Variants in CSNK1A1 observed in about 807,000 individuals in gnomAD.
The protein encoded by CSNK1A1 is casein kinase I isoform alpha.
CSNK1A1 carries 7 observed loss-of-function variants against 46.1 expected under a neutral mutation model. That is an observed-to-expected ratio of 0.15 (90% CI 0.09 to 0.29). The LOEUF is 0.29. Among genes scored for constraint, CSNK1A1 ranks in the 10% least tolerant of loss-of-function variants. The pLI, the probability that CSNK1A1 is intolerant of heterozygous loss-of-function variation, is 1.00. For synonymous variants in CSNK1A1, 137 were observed against 141.5 expected (o/e 0.97, Z 0.23); for missense variants, 96 against 417.1 (o/e 0.23, Z 6.71).
Position 149,550,018 on chromosome 5 carries a change from C to CCA in CSNK1A1, c.230+55_230+56dup. 1 of 1,580,196 alleles carries CCA rather than the reference C, an allele frequency of 6.3e-7. No homozygotes were observed. On this transcript the variant is annotated intron_variant, in intron 2 of 9. Transcript: ENST00000377843. This position sits in a 1 kb window ranked among gnomAD's most constrained non-coding sequence, Gnocchi z 4.3. ...AGCTGGTCTCATTACCTGCCTCTAC[C>CCA]CACTTCCCCATTCCGTGCTTCCCTC...
rs559782877 is a variant in CSNK1A1 at position 149,543,588 on chromosome 5, T to C, written c.230+6487A>G. Among the ~76,000 whole-genome samples, 3 of 152,322 alleles carry C rather than the reference T, an allele frequency of 2.0e-5. No individual in the cohort carries two copies. In the East Asian group the frequency reaches 5.8e-4, roughly 29 times the overall value. ...CTTTATTCTCTGATAACAGCCATTA[T>C]GTTATTCACAGGATATATGCTCAGT... On this transcript the variant is annotated intron_variant, in intron 2 of 9. Transcript: ENST00000377843.
chr5:149,498,522 GT>G, intron 9 of CSNK1A1: 2 of 985,120 alleles, frequency 2.0e-6, no homozygotes, highest in Non-Finnish European at 2.4e-6. Context: ...TTGTTTGGGA[GT>G]TTAAAAAAGA....
At chr5:149,545,369 GCAGA>G (rs1432968774) in intron 2 of CSNK1A1, 1 of 434,226 alleles carries the variant, frequency 2.3e-6, no homozygotes, top group South Asian at 4.1e-5. Context: ...CCTCACGTTG[GCAGA>G]CAGAGATACC....
At chr5:149,510,699 G>T (rs1220683036) in intron 6 of CSNK1A1, among the ~76,000 whole-genome samples, 1 of 151,680 alleles carries the variant, frequency 6.6e-6, no homozygotes, top group East Asian at 1.9e-4. Context: ...GGCTGGTCTT[G>T]AACTCCTGGG....
chr5:149,500,679 T>C (rs534553705), intron 9 of CSNK1A1, among the ~76,000 whole-genome samples: 1 of 151,980 alleles, frequency 6.6e-6, no homozygotes, highest in Non-Finnish European at 1.5e-5. Context: ...TCTTCCCATC[T>C]AGCCTCAAAA....
chr5:149,549,599 A>G, intron 2 of CSNK1A1: 1 of 675,962 alleles, frequency 1.5e-6, no homozygotes, highest in South Asian at 1.5e-5. Context: ...TCGTTCCGCC[A>G]TTTTCTAAGC....
intron 6 of CSNK1A1, among the ~76,000 whole-genome samples, chr5:149,511,288 C>T (rs1004937286): frequency 2.6e-5 from 4 of 152,094 alleles, no homozygotes; most frequent in Non-Finnish European, 5.9e-5. Flanking sequence ...CCAGGCATTC[C>T]GGCTTGGGCA....
intron 2 of CSNK1A1, among the ~76,000 whole-genome samples, chr5:149,537,678 T>C (rs1328093268): frequency 1.3e-5 from 2 of 151,392 alleles, no homozygotes; most frequent in Non-Finnish European, 2.9e-5. Context: ...CAGTGTAACC[T>C]GAATTTTTTA....
Position 149,525,401 on chromosome 5 carries a change from C to T in CSNK1A1, c.231-230G>A, listed in dbSNP as rs1256791593. 6.6e-6 allele frequency among the ~76,000 whole-genome samples: 1 copy of T among 151,870 alleles called. No individual in the cohort carries two copies. The highest frequency in any genetic ancestry group is 2.4e-5 in the African/African-American group (1 of 41,350). Reference sequence around the variant, plus strand: ...ACTCCATTCTCCTATATAGATAGGACATGCATAGTAGCCTTAACACTCCTG... The same window carrying T: ...ACTCCATTCTCCTATATAGATAGGATATGCATAGTAGCCTTAACACTCCTG... On this transcript the variant is annotated intron_variant, in intron 2 of 9. Transcript: ENST00000377843. This position sits in a 1 kb window ranked among gnomAD's most constrained non-coding sequence, Gnocchi z 4.2.
At chr5:149,503,932 T>C (rs929695278) in intron 9 of CSNK1A1, 34 of 985,432 alleles carry the variant, frequency 3.5e-5, no homozygotes, top group Middle Eastern at 5.2e-4. Flanking sequence ...TTTCATTTTG[T>C]GAGAAAAAGC....
intron 2 of CSNK1A1, among the ~76,000 whole-genome samples, chr5:149,542,632 A>ATGTATG (rs1561772431): frequency 9.7e-5 from 1 of 10,358 alleles, no homozygotes; most frequent in Admixed American, 1.9e-3. Flanking sequence ...ATATATATAT[A>ATGTATG]TATATATGTA....
At chr5:149,510,089 G>T in intron 6 of CSNK1A1, 136 bp from the exon 7 acceptor site, 1 of 561,576 alleles carries the variant, frequency 1.8e-6, no homozygotes, top group South Asian at 2.7e-5. Context: ...AAAAATCAAA[G>T]TATAATACAT....
At chr5:149,496,998 T>A in intron 9 of CSNK1A1, 138 bp from the exon 10 acceptor site, 1 of 1,442,596 alleles carries the variant, frequency 6.9e-7, no homozygotes, top group East Asian at 2.5e-5. Context: ...TGAAAAGTAT[T>A]AGCTCAACTT....
rs373720734 is a variant in CSNK1A1 at position 149,513,218 on chromosome 5, G to A, written c.457-9C>T. 40 of 1,609,184 alleles carry A rather than the reference G, an allele frequency of 2.5e-5. No homozygotes were observed. The highest frequency in any genetic ancestry group is 3.4e-5 in the Admixed American group (2 of 59,162). ...AAATCAATAAGGAATAACTTTAAAAGAGAAATACAGAAACATTAGGTTTCC... is the reference window on the plus strand; with the variant it reads ...AAATCAATAAGGAATAACTTTAAAAAAGAAATACAGAAACATTAGGTTTCC... On this transcript the variant is annotated splice_polypyrimidine_tract_variant and intron_variant, in intron 4 of 9. Coordinates refer to ENST00000377843, the MANE Select transcript of CSNK1A1 (RefSeq NM_001892.6).
intron 2 of CSNK1A1, among the ~76,000 whole-genome samples, chr5:149,532,976 A>G (rs890244399): frequency 1.3e-5 from 2 of 152,194 alleles, no homozygotes; most frequent in African/African-American, 4.8e-5. Context: ...TTGCTCAGCA[A>G]TAACGTAGTC....
chr5:149,501,345 G>T (rs1760848570), intron 9 of CSNK1A1: 1 of 985,388 alleles, frequency 1.0e-6, no homozygotes, highest in African/African-American at 1.7e-5. Flanking sequence ...AGTGTATTCA[G>T]AGCAGTGTGT....
chr5:149,514,476 A>G (rs532827483), intron 4 of CSNK1A1, among the ~76,000 whole-genome samples: 1 of 152,330 alleles, frequency 6.6e-6, no homozygotes, highest in African/African-American at 2.4e-5. Context: ...ATCTACAAAT[A>G]TTAAGCTAGG....
In CSNK1A1 at chr5:149,550,787, T is replaced by G. The variant is rs574346194; in HGVS notation, c.123+55A>C. ...GCACTTTGGGGGTGCACGGTGGTGG[T>G]GGGGGGAATGAGTAAAAGCGCAGCG... On this transcript the variant is annotated intron_variant, in intron 1 of 9. Coordinates refer to ENST00000377843, the MANE Select transcript of CSNK1A1 (RefSeq NM_001892.6). This position sits in a 1 kb window ranked among gnomAD's most constrained non-coding sequence, Gnocchi z 4.3. The G allele has an allele frequency of 3.3e-5, 53 of 1,610,720 alleles. No individual in the cohort carries two copies. The highest frequency in any genetic ancestry group is 1.7e-4 in the Middle Eastern group (1 of 6,046).
Position 149,551,036 on chromosome 5 carries a change from CCTA to C in CSNK1A1, c.-75_-73del. ...GGAAGAGGACGGAGGCCTCGGGGCT[CCTA>C]CACTAGGCAAGGCTACGGAGGAGGG... On this transcript the variant is annotated 5_prime_UTR_variant, in exon 1 of 10. Transcript: ENST00000377843. 1.9e-6 allele frequency: 3 copies of C among 1,568,306 alleles called. No individual in the cohort carries two copies. The highest frequency in any genetic ancestry group is 2.6e-6 in the Non-Finnish European group (3 of 1,146,348).
Sources: gnomAD v4.1 joint callset for allele counts (sites outside exome capture counted in the v4.1 genomes callset) on GRCh38, gnomAD v4.1.1 for gene constraint, Gnocchi (gnomAD v3.1) non-coding constraint, MANE v1.5 for transcripts, NCBI Gene and HGNC (gene_info 2026-07-23, HGNC 2026-07-21) for gene names.